AP1S2: variants seen among roughly 807,000 people sequenced by gnomAD.
AP1S2 encodes adaptor related protein complex 1 subunit sigma 2.
Under a neutral mutation model 14.3 loss-of-function variants are expected in AP1S2, and 1 was observed. The ratio of observed to expected loss-of-function variants is 0.07; its 90% confidence interval spans 0.02 to 0.33. The LOEUF (loss-of-function observed/expected upper bound fraction) is 0.33. AP1S2 is among the 10% of genes least tolerant of loss of function. The probability of loss-of-function intolerance (pLI) is 0.99; values close to 1 mark genes in which losing one functional copy is unlikely to be tolerated. For synonymous variants in AP1S2, 30 were observed against 40.5 expected (o/e 0.74, Z 0.99); for missense variants, 30 against 117.7 (o/e 0.25, Z 3.45).
chrX:15,828,769 TAA>T (rs11399830), intron 4 of AP1S2, among the ~76,000 whole-genome samples: 1 of 101,276 alleles, frequency 9.9e-6, no homozygotes, highest in African/African-American at 3.6e-5. Flanking sequence ...GACCTCGTTT[TAA>T]AAAAAAAAAA....
intron 5 of AP1S2, among the ~76,000 whole-genome samples, chrX:15,827,912 C>T (rs1341289880): frequency 9.0e-6 from 1 of 111,554 alleles, no homozygotes; most frequent in Non-Finnish European, 1.9e-5. Context: ...TCACTAGAGG[C>T]CACATATGCA....
chrX:15,843,066 G>A (rs1601857829), intron 4 of AP1S2, among the ~76,000 whole-genome samples: 1 of 106,241 alleles, frequency 9.4e-6, no homozygotes, highest in African/African-American at 3.4e-5. Flanking sequence ...ACTTCAAACA[G>A]AAGGACAATA....
At chrX:15,836,394 A>G (rs1269462790) in intron 4 of AP1S2, among the ~76,000 whole-genome samples, 1 of 112,231 alleles carries the variant, frequency 8.9e-6, no homozygotes, top group Non-Finnish European at 1.9e-5. Flanking sequence ...TCTGTGAATT[A>G]CATATTCATG....
chrX:15,837,994 A>C (rs1933704233), intron 4 of AP1S2, among the ~76,000 whole-genome samples: 2 of 111,840 alleles, frequency 1.8e-5, no homozygotes, highest in African/African-American at 6.5e-5. Context: ...TTAGCCACTT[A>C]TTTATACTGT....
intron 1 of AP1S2, chrX:15,852,974 G>A (rs1934223960): frequency 2.5e-6 from 1 of 395,870 alleles, no homozygotes; most frequent in African/African-American, 2.7e-5. Context: ...TCTAGTTCCA[G>A]GGTGAATTAC....
chrX:15,832,945 C>T (rs1933479463), intron 4 of AP1S2: 1 of 1,112,692 alleles, frequency 9.0e-7, no homozygotes, highest in Non-Finnish European at 1.2e-6. Context: ...TACTCCAGCA[C>T]GTATTCTAGT....
intron 2 of AP1S2, 76 bp downstream of exon 2, chrX:15,852,270 A>G (rs1314309068): frequency 2.4e-5 from 22 of 906,814 alleles, no homozygotes; most frequent in Non-Finnish European, 3.0e-5. Flanking sequence ...TATAAATGTC[A>G]TCACTGAAGT....
chrX:15,834,657 T>G (rs748566663), intron 4 of AP1S2, among the ~76,000 whole-genome samples: 1 of 96,814 alleles, frequency 1.0e-5, no homozygotes, highest in South Asian at 5.1e-4. Context: ...TGTATTTTTT[T>G]TTTTTTTTTA....
chrX:15,827,403 G>A (rs745884033), intron 5 of AP1S2, 31 bp from the exon 6 acceptor site: 2 of 1,132,526 alleles, frequency 1.8e-6, no homozygotes, highest in East Asian at 3.0e-5. Context: ...ACTCTGGTAA[G>A]CAGATCCAGG....
At chrX:15,827,560 A>C (rs1179663582) in intron 5 of AP1S2, among the ~76,000 whole-genome samples, 188 bp from the exon 6 acceptor site, 7 of 111,885 alleles carry the variant, frequency 6.3e-5, no homozygotes, top group Non-Finnish European at 3.8e-5. Flanking sequence ...CCACAAAAGG[A>C]CGTTTTCAGC....
Position 15,828,458 on chromosome X carries a change from G to A in AP1S2, c.427-258C>T, listed in dbSNP as rs191188407. 6.6e-3 allele frequency among the ~76,000 whole-genome samples: 740 copies of A among 111,689 alleles called. 6 individuals carry two copies. Among genetic ancestry groups the A allele is most frequent in the African/African-American group, 0.023 (699 of 30,881 alleles). ...GTGATATAGTTACACAATTGAAATCGAAATGATTTAGCATTTATTATTAAA... is the reference window on the plus strand; with the variant it reads ...GTGATATAGTTACACAATTGAAATCAAAATGATTTAGCATTTATTATTAAA... On this transcript the variant is annotated intron_variant, in intron 4 of 5. Coordinates refer to ENST00000672987, the MANE Select transcript of AP1S2 (RefSeq NM_001272071.2).
intron 4 of AP1S2, chrX:15,832,541 T>C (rs1240745272): frequency 6.7e-6 from 5 of 749,892 alleles, no homozygotes; most frequent in Admixed American, 1.8e-4. Flanking sequence ...ACTCAGAATA[T>C]AGTGGAATGA....
intron 4 of AP1S2, among the ~76,000 whole-genome samples, chrX:15,844,207 TCA>T (rs1301075805): frequency 8.9e-6 from 1 of 112,411 alleles, no homozygotes; most frequent in African/African-American, 3.2e-5. Flanking sequence ...TTTCCCTTCC[TCA>T]CAGAGTCCAA....
chrX:15,832,241 C>T (rs1449288288), intron 4 of AP1S2: 13 of 709,577 alleles, frequency 1.8e-5, no homozygotes, highest in South Asian at 7.3e-5. Context: ...CCTGGGGTGA[C>T]AGCCCATCAT....
intron 4 of AP1S2, chrX:15,833,648 C>T (rs1215082542): frequency 3.8e-6 from 1 of 260,769 alleles, no homozygotes; most frequent in Non-Finnish European, 5.4e-6. Flanking sequence ...GCCTTAAGGA[C>T]CACTTAACAT....
intron 4 of AP1S2, chrX:15,833,466 T>A: frequency 1.1e-6 from 1 of 893,193 alleles, no homozygotes; most frequent in Non-Finnish European, 1.4e-6. Context: ...GTGAGAATAC[T>A]CTTCATAGGG....
At chrX:15,852,552 C>T (rs1934209658) in intron 1 of AP1S2, 28 bp from the exon 2 acceptor site, 2 of 1,152,978 alleles carry the variant, frequency 1.7e-6, no homozygotes, top group Non-Finnish European at 1.2e-6. Flanking sequence ...ATCAAGATTA[C>T]ATGTAATACT....
chrX:15,834,481 A>ATATATATATATATATT (rs1569080380), intron 4 of AP1S2, among the ~76,000 whole-genome samples: 1 of 13,011 alleles, frequency 7.7e-5, no homozygotes, highest in Non-Finnish European at 1.2e-4. Context: ...TATATATATA[A>ATATATATATATATATT]TTTTTTTTTT....
chrX:15,842,374 C>T (rs1933861917), intron 4 of AP1S2, among the ~76,000 whole-genome samples: 1 of 111,939 alleles, frequency 8.9e-6, no homozygotes, highest in African/African-American at 3.3e-5. Flanking sequence ...CTGCTCCACA[C>T]AGACTTGAGC....
Sources: gnomAD v4.1 joint callset for allele counts (sites outside exome capture counted in the v4.1 genomes callset) on GRCh38, gnomAD v4.1.1 for gene constraint, MANE v1.5 for transcripts, NCBI Gene and HGNC (gene_info 2026-07-23, HGNC 2026-07-21) for gene names.